ITGAX: variants seen among roughly 807,000 people sequenced by gnomAD.
The protein encoded by ITGAX is integrin alpha-X.
Under a neutral mutation model 140.2 loss-of-function variants are expected in ITGAX, and 99 were observed. The observed-to-expected ratio is 0.71, with a 90% CI of 0.60 to 0.83. The LOEUF is 0.83. Ranked by LOEUF, ITGAX falls within the 40% of genes least tolerant of loss-of-function variation. ITGAX has a pLI of 0.00. For synonymous variants in ITGAX, 631 were observed against 600.4 expected (o/e 1.05, Z -0.75); for missense variants, 1,444 against 1,482.0 (o/e 0.97, Z 0.42).
chr16:31,381,420 A>G (rs907304955), intron 29 of ITGAX, among the ~76,000 whole-genome samples: 8 of 152,114 alleles, frequency 5.3e-5, no homozygotes, highest in Admixed American at 6.6e-5. Flanking sequence ...TAGGCTGGGC[A>G]CGGTGGCTCA....
At position 31,362,082 on chromosome 16, in the gene ITGAX, C is replaced by T; in HGVS notation, c.1094C>T (p.Pro365Leu). Reference sequence around the variant, plus strand: ...GGAATCCTTTTCTCCCAGGATGGCCCCGTTCTGGGGGCTGTGGGGAGCTTC... The same window carrying T: ...GGAATCCTTTTCTCCCAGGATGGCCTCGTTCTGGGGGCTGTGGGGAGCTTC... ...GFSAVFTPDG[P>L]VLGAVGSFTW... Residue 365 changes from proline to leucine, a missense_variant, in exon 11 of 30, where the codon CCC (proline) becomes CTC (leucine). Transcript: ENST00000268296. 1 of 1,614,120 alleles carries T rather than the reference C, an allele frequency of 6.2e-7. No homozygotes were observed.
At chr16:31,367,053 C>G (rs906014114) in intron 14 of ITGAX, among the ~76,000 whole-genome samples, 1 of 152,170 alleles carries the variant, frequency 6.6e-6, no homozygotes, top group African/African-American at 2.4e-5. Flanking sequence ...GAAGATCAAA[C>G]CAGCCACAAC....
At chr16:31,363,426 C>T (rs1303184555) in intron 14 of ITGAX, 52 bp downstream of exon 14, 2 of 1,586,278 alleles carry the variant, frequency 1.3e-6, no homozygotes, top group Non-Finnish European at 1.7e-6. Flanking sequence ...CTTGCCTCTC[C>T]CACTCTGTCA....
chr16:31,364,417 A>G (rs1252207890), intron 14 of ITGAX, among the ~76,000 whole-genome samples: 1 of 142,424 alleles, frequency 7.0e-6, no homozygotes, highest in African/African-American at 2.7e-5. Flanking sequence ...AAAGAGCACA[A>G]TCCCGTGTCA....
chr16:31,361,121 A>G lies in ITGAX; in HGVS notation c.920A>G (p.Lys307Arg), dbSNP rs2080819884. The part of the protein sequence containing the change: ...SWKELNDIAS[K>R]PSQEHIFKVE... ...AAAGAATTAAATGACATTGCATCGA[A>G]GCCCTCCCAGGAACACATATTTAAA... Residue 307 changes from lysine to arginine, a missense_variant, in exon 9 of 30, where the codon AAG becomes AGG. Physicochemically the swap from Lys to Arg is conservative, Grantham distance 26. Coordinates refer to ENST00000268296, the MANE Select transcript of ITGAX (RefSeq NM_000887.5). 1 of 1,613,838 alleles carries G rather than the reference A, an allele frequency of 6.2e-7. No homozygotes were observed. The highest frequency in any genetic ancestry group is 8.5e-7 in the Non-Finnish European group (1 of 1,179,944).
Position 31,373,244 on chromosome 16 carries a change from C to G in ITGAX, c.2367-5C>G. On this transcript the variant is annotated splice_region_variant and splice_polypyrimidine_tract_variant and intron_variant, in intron 19 of 29. Transcript: ENST00000268296. ...ATCTTCTCCTTTCCTTCACCTGATA[C>G]CCAGCTTGAAGTCCCTGCTGGTGGG... The G allele has an allele frequency of 4.2e-6, 6 of 1,419,424 alleles. No homozygotes were observed. The highest frequency in any genetic ancestry group is 5.7e-6 in the Non-Finnish European group (6 of 1,056,034). The allele number at this position is 1,419,424 out of a possible 1,614,324, so 87.9% of individuals were successfully genotyped here. A position where few individuals can be genotyped will look rare whatever the true frequency, so the allele number is the denominator to read the frequency against.
In ITGAX at chr16:31,357,269, T is replaced by G; in HGVS notation, c.335T>G (p.Val112Gly). 1 of 1,606,402 alleles carries G rather than the reference T, an allele frequency of 6.2e-7. No homozygotes were observed. Among genetic ancestry groups the G allele is most frequent in the Non-Finnish European group, 8.5e-7 (1 of 1,177,084 alleles). Residue 112 changes from valine (V) to glycine (G), a missense_variant, in exon 5 of 30, where the codon GTG becomes GGG. Transcript: ENST00000268296. Reference protein sequence around the residue: ...PSQLLACGPTVHHECGRNMYL... With the variant: ...PSQLLACGPTGHHECGRNMYL... ...TGTCCCCAGGCCTGCGGCCCCACCG[T>G]GCACCACGAGTGCGGGAGGAACATG...
Position 31,362,736 on chromosome 16 carries a change from G to A in ITGAX, c.1342G>A (p.Glu448Lys), listed in dbSNP as rs559233176. ...GTCCAGGCAATGGAGGATGAAGGCC[G>A]AAGTCACGGGGACTCAGGTTGGGCG... ...QVSRQWRMKA[E>K]VTGTQIGSYF... Residue 448 changes from glutamate (E) to lysine (K), a missense_variant, in exon 12 of 30, where the codon GAA becomes AAA. By Grantham distance (56) the Glu-to-Lys change is moderately conservative. Coordinates refer to ENST00000268296, the MANE Select transcript of ITGAX (RefSeq NM_000887.5). The A allele has an allele frequency of 3.7e-6, 6 of 1,613,862 alleles. No individual in the cohort carries two copies. Among genetic ancestry groups the A allele is most frequent in the African/African-American group, 1.3e-5 (1 of 74,988 alleles).
chr16:31,364,265 A>C (rs910869150), intron 14 of ITGAX, among the ~76,000 whole-genome samples: 1 of 151,778 alleles, frequency 6.6e-6, no homozygotes, highest in Non-Finnish European at 1.5e-5. Context: ...TCTAGAAAAA[A>C]TTTTAAAAAT....
chr16:31,379,702 C>G (rs549221843), intron 24 of ITGAX, 55 bp from the exon 25 acceptor site: 44 of 1,589,004 alleles, frequency 2.8e-5, no homozygotes, highest in Non-Finnish European at 3.5e-5. Flanking sequence ...GAGCCGGAGA[C>G]TGGGGAGGGA....
At position 31,359,932 on chromosome 16, in the gene ITGAX, C is replaced by G. The variant is rs2080803961; in HGVS notation, c.574C>G (p.Gln192Glu). 4 of 1,614,118 alleles carry G rather than the reference C, an allele frequency of 2.5e-6. No individual in the cohort carries two copies. The East Asian group carries it at 8.9e-5, about 36-fold the overall frequency. Residue 192 changes from glutamine (Q) to glutamate (E), a missense_variant, in exon 7 of 30, where the codon CAG (glutamine) becomes GAG (glutamate). Transcript: ENST00000268296. ...GTGCTTCTCCCAGTTTTCCCTGATGCAGTTCTCCAACAAATTCCAAACACA... is the reference window on the plus strand; with the variant it reads ...GTGCTTCTCCCAGTTTTCCCTGATGGAGTTCTCCAACAAATTCCAAACACA... ...QRPSTQFSLM[Q>E]FSNKFQTHFT...
chr16:31,370,897 C>T (rs183528541), intron 14 of ITGAX, among the ~76,000 whole-genome samples, 187 bp from the exon 15 acceptor site: 2 of 152,276 alleles, frequency 1.3e-5, no homozygotes, highest in Admixed American at 1.3e-4. Context: ...TCCACTCTTA[C>T]ATCTGTTTCT....
chr16:31,382,572 G>A lies in ITGAX; in HGVS notation c.*665G>A, dbSNP rs2081079841. On this transcript the variant is annotated 3_prime_UTR_variant, in exon 30 of 30. Transcript: ENST00000268296. The stretch of plus-strand genomic sequence containing the variant: ...CAGGGCGCACAGCATGAGAGGCTCT[G>A]TGCCCCCATCACCCTCGTTTCCAGT... 1.3e-6 allele frequency: 1 copy of A among 785,610 alleles called. No individual in the cohort carries two copies. The highest frequency in any genetic ancestry group is 2.2e-6 in the Non-Finnish European group (1 of 460,980). The allele number at this position is 785,610 out of a possible 1,614,324, so 48.7% of individuals were successfully genotyped here. A position where few individuals can be genotyped will look rare whatever the true frequency, so the allele number is the denominator to read the frequency against.
Position 31,363,352 on chromosome 16 carries a change from G to T in ITGAX, c.1688G>T (p.Ser563Ile). The T allele has an allele frequency of 1.2e-6, 2 of 1,613,326 alleles. No individual in the cohort carries two copies. The highest frequency in any genetic ancestry group is 1.7e-6 in the Non-Finnish European group (2 of 1,179,462). Residue 563 changes from serine (S) to isoleucine (I), a missense_variant, in exon 14 of 30, where the codon AGC becomes ATC. By Grantham distance (142) the Ser-to-Ile change is moderately radical. Coordinates refer to ENST00000268296, the MANE Select transcript of ITGAX (RefSeq NM_000887.5). The part of the protein sequence containing the change: ...VYLFHGVLGP[S>I]ISPSHSQRIA... ...CTGTTTCACGGAGTCTTGGGACCCA[G>T]CATCAGCCCCTCCCACAGCCAGGTG...
At position 31,361,921 on chromosome 16, in the gene ITGAX, C is replaced by T; in HGVS notation, c.1086+12C>T. On this transcript the variant is annotated intron_variant, in intron 10 of 29. Coordinates refer to ENST00000268296, the MANE Select transcript of ITGAX (RefSeq NM_000887.5). ...CTGTGTTCACACCTGTGAGTGGGGC[C>T]CCTTAGGCCGATGATGTGCCGTGAG... The T allele has an allele frequency of 6.2e-7, 1 of 1,613,928 alleles. No homozygotes were observed. The highest frequency in any genetic ancestry group is 1.1e-5 in the South Asian group (1 of 91,086).
At position 31,355,197 on chromosome 16, in the gene ITGAX, G is replaced by A; in HGVS notation, c.-58G>A. On this transcript the variant is annotated 5_prime_UTR_variant, in exon 1 of 30. Transcript: ENST00000268296. ...GCCCACTTGCTTCCTCAGTACCTTG[G>A]TCCAGCTCTTCCTGCAACGGCCCAG... 6.2e-7 allele frequency: 1 copy of A among 1,601,084 alleles called. No individual in the cohort carries two copies. Among genetic ancestry groups the A allele is most frequent in the East Asian group, 2.2e-5 (1 of 44,692 alleles).
intron 24 of ITGAX, 32 bp from the exon 25 acceptor site, chr16:31,379,725 C>T (rs577398879): frequency 2.2e-5 from 35 of 1,602,306 alleles, no homozygotes; most frequent in East Asian, 1.6e-4. Flanking sequence ...TGGGCTTTGG[C>T]GTGGGCTCTG....
At chr16:31,361,331 A>T in intron 9 of ITGAX, 118 bp downstream of exon 9, 1 of 1,139,636 alleles carries the variant, frequency 8.8e-7, no homozygotes, top group Non-Finnish European at 1.3e-6. Context: ...CTTTCCCGGG[A>T]CCCCGATAGC....
intron 14 of ITGAX, among the ~76,000 whole-genome samples, chr16:31,366,225 G>A (rs1440566136): frequency 6.6e-6 from 1 of 152,178 alleles, no homozygotes; most frequent in Non-Finnish European, 1.5e-5. Flanking sequence ...TTCTCACAAT[G>A]TTTCAAACTT....
Sources: gnomAD v4.1 joint callset for allele counts (sites outside exome capture counted in the v4.1 genomes callset) on GRCh38, gnomAD v4.1.1 for gene constraint, MANE v1.5 for transcripts, NCBI Gene and HGNC (gene_info 2026-07-23, HGNC 2026-07-21) for gene names.